The following ELP4 variants were observed in gnomAD, a reference collection of about 807,000 sequenced individuals.
The protein encoded by ELP4 is elongator complex protein 4.
ELP4 carries 51 observed loss-of-function variants against 48.9 expected under a neutral mutation model. That is an observed-to-expected ratio of 1.04 (90% CI 0.83 to 1.32). The LOEUF (loss-of-function observed/expected upper bound fraction) is 1.32, where lower values mean the gene tolerates loss of function less well. Ranked by LOEUF, ELP4 falls within the 40% of genes most tolerant of loss-of-function variation. The probability of loss-of-function intolerance (pLI) is 0.00; values close to 1 mark genes in which losing one functional copy is unlikely to be tolerated. For synonymous variants in ELP4, 210 were observed against 189.2 expected (o/e 1.11, Z -0.90); for missense variants, 519 against 514.6 (o/e 1.01, Z -0.08).
intron 9 of ELP4, among the ~76,000 whole-genome samples, chr11:31,688,720 A>G (rs982363334): frequency 6.6e-6 from 1 of 152,214 alleles, no homozygotes; most frequent in Non-Finnish European, 1.5e-5. Context: ...CTATTATTTT[A>G]CTAATATGCA....
intron 5 of ELP4, among the ~76,000 whole-genome samples, chr11:31,625,709 A>G (rs1944729643): frequency 6.6e-6 from 1 of 151,854 alleles, no homozygotes; most frequent in African/African-American, 2.4e-5. Context: ...GCTGGAATTC[A>G]TTTCATAATC....
chr11:31,698,665 A>C (rs1411169445), intron 9 of ELP4, among the ~76,000 whole-genome samples: 1 of 152,112 alleles, frequency 6.6e-6, no homozygotes, highest in Admixed American at 6.6e-5. Context: ...CACCCCTCTC[A>C]GCCTCCCAGA....
At chr11:31,682,065 C>A (rs1045466421) in intron 9 of ELP4, 5 of 1,294,842 alleles carry the variant, frequency 3.9e-6, no homozygotes, top group Non-Finnish European at 5.1e-6. Context: ...TCAAAGAGAA[C>A]AAGTCTAAAG....
At chr11:31,720,500 A>T (rs546108963) in intron 9 of ELP4, among the ~76,000 whole-genome samples, 1 of 138,744 alleles carries the variant, frequency 7.2e-6, no homozygotes, top group East Asian at 2.1e-4. Context: ...TAGTAAGGCC[A>T]AAAAAAAAAT....
At chr11:31,675,229 C>T (rs1945896715) in intron 9 of ELP4, among the ~76,000 whole-genome samples, 2 of 151,708 alleles carry the variant, frequency 1.3e-5, no homozygotes, top group Admixed American at 1.3e-4. Flanking sequence ...CCCCAAGAGT[C>T]ATGAGAGGGA....
At chr11:31,675,464 A>G (rs1046179746) in intron 9 of ELP4, among the ~76,000 whole-genome samples, 5 of 152,022 alleles carry the variant, frequency 3.3e-5, no homozygotes, top group African/African-American at 9.7e-5. Flanking sequence ...GGGTTTCTCC[A>G]TGTTGAGGCT....
chr11:31,578,992 G>A (rs537762599), intron 3 of ELP4, among the ~76,000 whole-genome samples: 3 of 152,342 alleles, frequency 2.0e-5, no homozygotes, highest in South Asian at 2.1e-4. Flanking sequence ...TGCCATCAGA[G>A]TGAACAGGCC....
At chr11:31,751,881 C>T (rs1452941013) in intron 9 of ELP4, among the ~76,000 whole-genome samples, 1 of 152,124 alleles carries the variant, frequency 6.6e-6, no homozygotes, top group Non-Finnish European at 1.5e-5. Flanking sequence ...CAATGCTACC[C>T]TTTACAATAT....
intron 9 of ELP4, among the ~76,000 whole-genome samples, chr11:31,735,964 G>A (rs1317798448): frequency 3.3e-5 from 5 of 152,128 alleles, no homozygotes; most frequent in Admixed American, 6.5e-5. Flanking sequence ...TCACAGAATT[G>A]GAAAAAACTA....
In ELP4 at chr11:31,789,480, C is replaced by G. The variant is rs1592343300; in HGVS notation, c.*5956C>G. 6 of 502,160 alleles carry G rather than the reference C, an allele frequency of 1.2e-5. No homozygotes were observed. In the East Asian group the frequency reaches 1.3e-4, roughly 11 times the overall value. 31.1% of individuals were successfully genotyped at this position (502,160 alleles called of 1,614,324 possible). A position where few individuals can be genotyped will look rare whatever the true frequency, so the allele number is the denominator to read the frequency against. ...AAGGAATGATACAAACTTGGAACAT[C>G]AGTCCATAAACTATGAACAGATGGG... On this transcript the variant is annotated 3_prime_UTR_variant, in exon 10 of 10. Transcript: ENST00000640961.
chr11:31,635,946 A>G lies in ELP4; in HGVS notation c.927+3541A>G, dbSNP rs754992239. Among the ~76,000 whole-genome samples the G allele has an allele frequency of 2.6e-5, 4 of 151,962 alleles. No individual in the cohort carries two copies. In the South Asian group the frequency reaches 8.3e-4, roughly 31 times the overall value. On this transcript the variant is annotated intron_variant, in intron 7 of 9. Transcript: ENST00000640961. Reference sequence around the variant, plus strand: ...ATAGATAAAGTCAGTTGGCCATCCAAATATTAGTAGCATCACCATGTTGTA... The same window carrying G: ...ATAGATAAAGTCAGTTGGCCATCCAGATATTAGTAGCATCACCATGTTGTA...
At chr11:31,627,034 T>G in intron 5 of ELP4, 76 bp from the exon 6 acceptor site, 1 of 782,656 alleles carries the variant, frequency 1.3e-6, no homozygotes, top group Non-Finnish European at 2.2e-6. Context: ...ATTATTTACT[T>G]AATGTTTTAT....
intron 3 of ELP4, among the ~76,000 whole-genome samples, chr11:31,547,243 A>G (rs1276974379): frequency 6.6e-6 from 1 of 152,240 alleles, no homozygotes; most frequent in South Asian, 2.1e-4. Context: ...TGCTAGCAAG[A>G]CTAATAAAGA....
At chr11:31,638,976 T>C (rs1321680540) in intron 7 of ELP4, among the ~76,000 whole-genome samples, 1 of 151,896 alleles carries the variant, frequency 6.6e-6, no homozygotes, top group Non-Finnish European at 1.5e-5. Flanking sequence ...AAATATTTTT[T>C]ATCTAATTGT....
chr11:31,577,453 G>T (rs1190871394), intron 3 of ELP4, among the ~76,000 whole-genome samples: 1 of 151,958 alleles, frequency 6.6e-6, no homozygotes, highest in Non-Finnish European at 1.5e-5. Flanking sequence ...GCATCATCCT[G>T]ATACCAAAGC....
intron 9 of ELP4, among the ~76,000 whole-genome samples, chr11:31,775,256 G>A (rs1348312767): frequency 6.6e-6 from 1 of 152,178 alleles, no homozygotes; most frequent in African/African-American, 2.4e-5. Context: ...TCCAGAACAT[G>A]AAACACACGG....
Position 31,731,902 on chromosome 11 carries a change from T to C in ELP4, c.1144-51491T>C, listed in dbSNP as rs116196661. Among the ~76,000 whole-genome samples, 234 of 152,200 alleles carry C rather than the reference T, an allele frequency of 1.5e-3. 2 individuals carry two copies. Among genetic ancestry groups the C allele is most frequent in the African/African-American group, 5.3e-3 (222 of 41,534 alleles). On this transcript the variant is annotated intron_variant, in intron 9 of 9. Transcript: ENST00000640961. ...GAGGCAATATGAGAATGGGATAATA[T>C]ATTCAAAGTGCTGAATGAAAAAAAA...
At chr11:31,758,415 A>G (rs1410216224) in intron 9 of ELP4, among the ~76,000 whole-genome samples, 1 of 152,232 alleles carries the variant, frequency 6.6e-6, no homozygotes, top group Admixed American at 6.5e-5. Context: ...AATCAAATAG[A>G]TAGACTTATA....
At chr11:31,590,299 CA>C (rs1452588071) in intron 3 of ELP4, among the ~76,000 whole-genome samples, 2 of 152,008 alleles carry the variant, frequency 1.3e-5, no homozygotes, top group Non-Finnish European at 2.9e-5. Context: ...GCTGTGTCCA[CA>C]AAAAACTAGA....
Sources: allele counts gnomAD v4.1 joint callset (sites outside exome capture counted in the v4.1 genomes callset), GRCh38; gene constraint gnomAD v4.1.1; transcripts MANE v1.5; gene names NCBI Gene and HGNC (gene_info 2026-07-23, HGNC 2026-07-21).